ARL15: variants seen among roughly 807,000 people sequenced by gnomAD.
ARL15 encodes ARF like GTPase 15, also known as ADP-ribosylation factor-like protein 15.
A neutral mutation model predicts 25.2 loss-of-function variants in ARL15; 19 were observed. That is an observed-to-expected ratio of 0.75 (90% CI 0.53 to 1.10). The LOEUF (loss-of-function observed/expected upper bound fraction) is 1.10. ARL15 is among the 50% of genes least tolerant of loss of function. The pLI, the probability that ARL15 is intolerant of heterozygous loss-of-function variation, is 0.00. For synonymous variants in ARL15, 94 were observed against 86.8 expected (o/e 1.08, Z -0.46); for missense variants, 220 against 246.0 (o/e 0.89, Z 0.71).
chr5:53,944,013 C>T (rs1194226872), intron 4 of ARL15, among the ~76,000 whole-genome samples: 1 of 152,122 alleles, frequency 6.6e-6, no homozygotes, highest in African/African-American at 2.4e-5. Context: ...CAACTCTGGA[C>T]CCCATGTTAC....
intron 4 of ARL15, chr5:53,951,550 A>C (rs748437877): frequency 6.4e-6 from 3 of 471,906 alleles, no homozygotes; most frequent in South Asian, 1.6e-5. Flanking sequence ...AGATCACACA[A>C]ATTTTCTAAA....
chr5:54,226,113 G>C (rs1407769296), intron 1 of ARL15, among the ~76,000 whole-genome samples: 1 of 152,158 alleles, frequency 6.6e-6, no homozygotes, highest in Non-Finnish European at 1.5e-5. Flanking sequence ...AGTCATAATA[G>C]TGGGCAAAGC....
At chr5:54,257,067 C>T (rs1375531321) in intron 1 of ARL15, among the ~76,000 whole-genome samples, 1 of 152,126 alleles carries the variant, frequency 6.6e-6, no homozygotes, top group African/African-American at 2.4e-5. Context: ...TTCTGCTAAA[C>T]GTAGTACTGG....
intron 3 of ARL15, among the ~76,000 whole-genome samples, chr5:54,142,536 T>C (rs1753805404): frequency 6.6e-6 from 1 of 152,152 alleles, no homozygotes; most frequent in Non-Finnish European, 1.5e-5. Context: ...TGACAGCCCA[T>C]GCTCTCCTGG....
chr5:53,918,376 T>TG (rs530682576), intron 4 of ARL15, among the ~76,000 whole-genome samples: 21 of 151,456 alleles, frequency 1.4e-4, no homozygotes, highest in South Asian at 1.0e-3. Context: ...TTAGTAGAGA[T>TG]GGGGGGGGAT....
At chr5:53,994,788 T>G (rs2111680974) in intron 4 of ARL15, among the ~76,000 whole-genome samples, 1 of 152,264 alleles carries the variant, frequency 6.6e-6, no homozygotes. Flanking sequence ...GCCATTAATA[T>G]TAATATTAGA....
At chr5:54,295,773 A>G (rs1758449781) in intron 1 of ARL15, among the ~76,000 whole-genome samples, 1 of 152,230 alleles carries the variant, frequency 6.6e-6, no homozygotes, top group Admixed American at 6.5e-5. Context: ...AAGAACGGCA[A>G]CATTACCCAA....
intron 4 of ARL15, among the ~76,000 whole-genome samples, chr5:54,097,173 T>A (rs941335147): frequency 1.3e-5 from 2 of 152,080 alleles, no homozygotes; most frequent in East Asian, 3.9e-4. Context: ...AACAATTAAC[T>A]GGGTTTGATG....
intron 1 of ARL15, among the ~76,000 whole-genome samples, chr5:54,263,827 C>A (rs948225201): frequency 6.6e-6 from 1 of 152,060 alleles, no homozygotes; most frequent in Non-Finnish European, 1.5e-5. Context: ...AACATGGCAC[C>A]TCCAACTCAC....
At chr5:54,305,582 G>A (rs909492857) in intron 1 of ARL15, among the ~76,000 whole-genome samples, 1 of 152,140 alleles carries the variant, frequency 6.6e-6, no homozygotes, top group African/African-American at 2.4e-5. Context: ...AGCTATCATA[G>A]AACTAACTAA....
At chr5:54,165,422 G>A (rs1754533238) in intron 2 of ARL15, among the ~76,000 whole-genome samples, 3 of 151,554 alleles carry the variant, frequency 2.0e-5, no homozygotes. Flanking sequence ...AATTCCTTCA[G>A]ATTTTGTATG....
At position 54,163,355 on chromosome 5, in the gene ARL15, G is replaced by GTTTTTTTTT. The variant is rs1754465268; in HGVS notation, c.193+8428_193+8429insAAAAAAAAA. Reference sequence around the variant, plus strand: ...TGTCCATGAGGGCTATTGGTATGAAGCTTTTTTTTTTTTTTTTTTTTTTTT... The same window carrying GTTTTTTTTT: ...TGTCCATGAGGGCTATTGGTATGAAGTTTTTTTTTCTTTTTTTTTTTTTTTTTTTTTTTT... On this transcript the variant is annotated intron_variant, in intron 2 of 4. Transcript: ENST00000504924. Among the ~76,000 whole-genome samples the GTTTTTTTTT allele has an allele frequency of 1.8e-3, 92 of 51,346 alleles. 31 individuals are homozygous for GTTTTTTTTT. Among genetic ancestry groups the GTTTTTTTTT allele is most frequent in the African/African-American group, 2.5e-3 (30 of 12,092 alleles). The allele number at this position is 51,346 out of a possible 152,430, so 33.7% of individuals were successfully genotyped here. A position where few individuals can be genotyped will look rare whatever the true frequency, so the allele number is the denominator to read the frequency against.
chr5:54,009,895 A>G (rs2111775060), intron 4 of ARL15, among the ~76,000 whole-genome samples: 1 of 152,308 alleles, frequency 6.6e-6, no homozygotes, highest in East Asian at 1.9e-4. Flanking sequence ...GCAGAATTTA[A>G]GGTTCTTCCT....
intron 4 of ARL15, among the ~76,000 whole-genome samples, chr5:54,102,860 T>C (rs1443622592): frequency 1.3e-5 from 2 of 152,210 alleles, no homozygotes; most frequent in African/African-American, 2.4e-5. Context: ...AATTATATTG[T>C]TCTATGTGAC....
At chr5:54,133,105 A>G (rs1753486793) in intron 3 of ARL15, among the ~76,000 whole-genome samples, 3 of 152,192 alleles carry the variant, frequency 2.0e-5, no homozygotes, top group African/African-American at 4.8e-5. Flanking sequence ...TCTGTTTTTA[A>G]TATCTAATCT....
chr5:53,963,735 G>A (rs1482137066), intron 4 of ARL15, among the ~76,000 whole-genome samples: 3 of 151,880 alleles, frequency 2.0e-5, no homozygotes, highest in Non-Finnish European at 4.4e-5. Context: ...TTGAACCTGG[G>A]AGGTGGAGGT....
intron 4 of ARL15, among the ~76,000 whole-genome samples, chr5:54,069,572 A>C (rs1339630148): frequency 1.3e-5 from 2 of 151,030 alleles, no homozygotes; most frequent in Non-Finnish European, 3.0e-5. Context: ...AAAAAAAAAA[A>C]AAAAAAAAAA....
chr5:53,978,611 C>G (rs1217415764), intron 4 of ARL15, among the ~76,000 whole-genome samples: 1 of 123,300 alleles, frequency 8.1e-6, no homozygotes, highest in Non-Finnish European at 1.7e-5. Flanking sequence ...CACAGGGAGA[C>G]CCTGTCTCTA....
intron 1 of ARL15, among the ~76,000 whole-genome samples, chr5:54,272,107 C>CTTTTTTT (rs34592464): frequency 2.7e-5 from 1 of 36,790 alleles, no homozygotes; most frequent in Non-Finnish European, 5.6e-5. Flanking sequence ...CCACTCCTGG[C>CTTTTTTT]TTTTTTTTTT....
Sources: allele counts gnomAD v4.1 joint callset (sites outside exome capture counted in the v4.1 genomes callset), GRCh38; gene constraint gnomAD v4.1.1; transcripts MANE v1.5; gene names NCBI Gene and HGNC (gene_info 2026-07-23, HGNC 2026-07-21).